CLNK: variants seen among roughly 807,000 people sequenced by gnomAD.
CLNK encodes the protein cytokine dependent hematopoietic cell linker.
A neutral mutation model predicts 68.6 loss-of-function variants in CLNK; 74 were observed. The observed-to-expected ratio is 1.08, with a 90% CI of 0.89 to 1.31. CLNK has a LOEUF of 1.31. Among genes scored for constraint, CLNK ranks in the 50% most tolerant of loss-of-function variants. The pLI, the probability that CLNK is intolerant of heterozygous loss-of-function variation, is 0.00. For synonymous variants in CLNK, 198 were observed against 172.2 expected, an observed-to-expected ratio of 1.15 and a Z score of -1.17; for missense variants, 553 against 515.3, an observed-to-expected ratio of 1.07 and a Z score of -0.71.
At position 10,661,240 on chromosome 4, in the gene CLNK, A is replaced by G. The variant is rs533480257; in HGVS notation, c.11+6619T>C. ...CATTCATACACACGAGAGAAATATC[A>G]TCTATTGGGCAGCTCCTGTGTGCCA... On this transcript the variant is annotated intron_variant, in intron 2 of 18. Transcript: ENST00000226951. Among the ~76,000 whole-genome samples, 7 of 152,340 alleles carry G rather than the reference A, an allele frequency of 4.6e-5. No individual in the cohort carries two copies. The East Asian group carries it at 1.4e-3, about 29-fold the overall frequency.
intron 18 of CLNK, among the ~76,000 whole-genome samples, chr4:10,494,072 A>G (rs1716706825): frequency 6.6e-6 from 1 of 152,248 alleles, no homozygotes. Context: ...TTTGTAGACC[A>G]TTACTGTAAG....
chr4:10,620,745 T>C (rs1388585342), intron 2 of CLNK, among the ~76,000 whole-genome samples: 1 of 152,124 alleles, frequency 6.6e-6, no homozygotes, highest in Non-Finnish European at 1.5e-5. Context: ...AGTACAGTGA[T>C]GTAACTTCTG....
chr4:10,507,399 C>A (rs1402913390), intron 17 of CLNK, among the ~76,000 whole-genome samples: 1 of 151,822 alleles, frequency 6.6e-6, no homozygotes, highest in Non-Finnish European at 1.5e-5. Context: ...GCGTGAACTG[C>A]CGCATCCGGT....
intron 2 of CLNK, among the ~76,000 whole-genome samples, chr4:10,665,347 G>A (rs1460798049): frequency 6.6e-6 from 1 of 152,158 alleles, no homozygotes; most frequent in Non-Finnish European, 1.5e-5. Flanking sequence ...TTACAGAAGA[G>A]GCCCTTGGCA....
chr4:10,655,315 G>T (rs972998328), intron 2 of CLNK, among the ~76,000 whole-genome samples: 1 of 134,818 alleles, frequency 7.4e-6, no homozygotes, highest in Non-Finnish European at 1.6e-5. Context: ...AAGTAATTCC[G>T]GCCTAAAACC....
chr4:10,535,213 G>GAAAGAGAAAGAA (rs1390380873), intron 11 of CLNK, among the ~76,000 whole-genome samples: 4 of 131,298 alleles, frequency 3.0e-5, no homozygotes. Context: ...AAGAAAGAAA[G>GAAAGAGAAAGAA]AGAAAGAAAG....
intron 2 of CLNK, among the ~76,000 whole-genome samples, chr4:10,658,351 T>A (rs1320531351): frequency 6.6e-6 from 1 of 152,230 alleles, no homozygotes; most frequent in Non-Finnish European, 1.5e-5. Context: ...GCAATGATTG[T>A]GATGATGATA....
chr4:10,496,083 A>G (rs1716799723), intron 18 of CLNK, among the ~76,000 whole-genome samples: 1 of 152,230 alleles, frequency 6.6e-6, no homozygotes, highest in Non-Finnish European at 1.5e-5. Flanking sequence ...AATACTTATT[A>G]AGCACATGCC....
intron 7 of CLNK, among the ~76,000 whole-genome samples, chr4:10,559,703 C>A (rs189999108): frequency 2.6e-5 from 4 of 152,140 alleles, no homozygotes; most frequent in Non-Finnish European, 5.9e-5. Flanking sequence ...ACAGGATTCC[C>A]CGGCCCAGGA....
intron 2 of CLNK, among the ~76,000 whole-genome samples, chr4:10,606,285 C>T (rs983672061): frequency 1.9e-4 from 29 of 152,260 alleles, no homozygotes; most frequent in African/African-American, 7.0e-4. Flanking sequence ...GGGTCAATGG[C>T]ATCACTACCT....
chr4:10,557,814 A>G (rs1450441382), intron 8 of CLNK, among the ~76,000 whole-genome samples: 1 of 152,210 alleles, frequency 6.6e-6, no homozygotes, highest in Non-Finnish European at 1.5e-5. Context: ...GGCAAAGTGA[A>G]TCTTGGCATT....
chr4:10,552,058 G>A (rs146742534), intron 8 of CLNK, among the ~76,000 whole-genome samples: 15 of 151,960 alleles, frequency 9.9e-5, no homozygotes, highest in East Asian at 3.9e-4. Flanking sequence ...GAGTTTCACC[G>A]TGTTAGCCAG....
intron 8 of CLNK, among the ~76,000 whole-genome samples, chr4:10,552,544 T>C (rs1719504036): frequency 6.6e-6 from 1 of 152,078 alleles, no homozygotes; most frequent in Non-Finnish European, 1.5e-5. Context: ...GCCTCCACCT[T>C]AGTGCCAACC....
At chr4:10,604,021 C>T (rs887919523) in intron 2 of CLNK, among the ~76,000 whole-genome samples, 21 of 152,190 alleles carry the variant, frequency 1.4e-4, no homozygotes, top group Non-Finnish European at 1.9e-4. Context: ...CAGGTGTCCC[C>T]GGGGAGCGAG....
chr4:10,654,759 T>C (rs1450846532), intron 2 of CLNK, among the ~76,000 whole-genome samples: 1 of 151,832 alleles, frequency 6.6e-6, no homozygotes. Flanking sequence ...AAATATGAAA[T>C]GTTGATATCT....
intron 4 of CLNK, among the ~76,000 whole-genome samples, chr4:10,576,718 A>ACCTGAG (rs1720581256): frequency 6.6e-6 from 1 of 152,032 alleles, no homozygotes; most frequent in African/African-American, 2.4e-5. Flanking sequence ...ATAAGGCAAA[A>ACCTGAG]CCTGAGCCCC....
chr4:10,634,360 A>G (rs542936325), intron 2 of CLNK, among the ~76,000 whole-genome samples: 99 of 152,338 alleles, frequency 6.5e-4, no homozygotes, highest in African/African-American at 2.3e-3. Context: ...TGGAGACCCC[A>G]CTGTTTCCCA....
intron 8 of CLNK, among the ~76,000 whole-genome samples, chr4:10,545,585 T>G (rs900232259): frequency 1.3e-5 from 2 of 152,076 alleles, no homozygotes; most frequent in African/African-American, 4.8e-5. Flanking sequence ...CCCATTACCA[T>G]AGTGGGGATT....
At chr4:10,504,744 C>T (rs535594031) in intron 17 of CLNK, among the ~76,000 whole-genome samples, 22 of 152,246 alleles carry the variant, frequency 1.4e-4, no homozygotes, top group Non-Finnish European at 2.6e-4. Context: ...TGGGTTTGTC[C>T]TCTTAAACTC....
Sources: gnomAD v4.1 joint callset for allele counts (sites outside exome capture counted in the v4.1 genomes callset) on GRCh38, gnomAD v4.1.1 for gene constraint, MANE v1.5 for transcripts, NCBI Gene and HGNC (gene_info 2026-07-23, HGNC 2026-07-21) for gene names.